The following PPP1R13B variants were observed in gnomAD, a reference collection of about 807,000 sequenced individuals.
PPP1R13B encodes the protein apoptosis-stimulating of p53 protein 1.
In PPP1R13B, 44 loss-of-function variants were observed where a neutral mutation model predicts 119.8. That is an observed-to-expected ratio of 0.37 (90% confidence interval 0.29 to 0.47). PPP1R13B has a LOEUF of 0.47. PPP1R13B is among the 20% of genes least tolerant of loss of function. PPP1R13B has a pLI of 0.99. For synonymous variants in PPP1R13B, 542 were observed against 561.5 expected, an observed-to-expected ratio of 0.97 and a Z score of 0.49; for missense variants, 1,227 against 1,413.5, an observed-to-expected ratio of 0.87 and a Z score of 2.12.
chr14:103,830,088 TTTTATTTTA>T (rs2086634881), intron 1 of PPP1R13B, among the ~76,000 whole-genome samples: 1 of 144,548 alleles, frequency 6.9e-6, no homozygotes, highest in African/African-American at 2.7e-5. Flanking sequence ...GTATTTTTAT[TTTTATTTTA>T]TTTATTTATT....
intron 1 of PPP1R13B, among the ~76,000 whole-genome samples, chr14:103,824,759 G>C (rs2086497870): frequency 6.6e-6 from 1 of 151,706 alleles, no homozygotes; most frequent in Non-Finnish European, 1.5e-5. Flanking sequence ...GATCATGTGG[G>C]TATATAATAA....
At chr14:103,832,597 A>C (rs1018643640) in intron 1 of PPP1R13B, among the ~76,000 whole-genome samples, 17 of 152,122 alleles carry the variant, frequency 1.1e-4, no homozygotes, top group Non-Finnish European at 2.4e-4. Context: ...GTAAGGGACT[A>C]CTCTCTTCAA....
Position 103,746,434 on chromosome 14 carries a change from G to A in PPP1R13B, c.1089C>T (p.Asp363=), listed in dbSNP as rs1262374244. The change falls in exon 9 of 17, where the codon GAC becomes GAT. Residue 363 remains aspartate, a synonymous_variant. Transcript: ENST00000202556. ...TACTGAGAGACTGGGGCTTTATAGG[G>A]TCCCCCAGCACAGGAAAGCTTCCGG... ...PSAGSFPVLG[D]PIKPQSLSIA... The A allele has an allele frequency of 6.2e-7, 1 of 1,614,004 alleles. No individual in the cohort carries two copies. Among genetic ancestry groups the A allele is most frequent in the South Asian group, 1.1e-5 (1 of 91,072 alleles).
At chr14:103,844,291 T>C (rs1457093532) in intron 1 of PPP1R13B, among the ~76,000 whole-genome samples, 1 of 148,134 alleles carries the variant, frequency 6.8e-6, no homozygotes, top group African/African-American at 2.5e-5. Flanking sequence ...AAAAAGAAGG[T>C]GGAAAGTCAC....
chr14:103,836,496 C>T (rs759917311), intron 1 of PPP1R13B, among the ~76,000 whole-genome samples: 5 of 151,958 alleles, frequency 3.3e-5, no homozygotes, highest in Non-Finnish European at 7.4e-5. Flanking sequence ...GTTGGCTGGA[C>T]GCTGTGGCTC....
chr14:103,822,390 C>A (rs1346246329), intron 1 of PPP1R13B, among the ~76,000 whole-genome samples: 1 of 152,156 alleles, frequency 6.6e-6, no homozygotes, highest in South Asian at 2.1e-4. Context: ...CCTTCTTGGC[C>A]TCCCAAAGTG....
chr14:103,838,873 T>C (rs1298328318), intron 1 of PPP1R13B, among the ~76,000 whole-genome samples: 2 of 152,172 alleles, frequency 1.3e-5, no homozygotes, highest in Non-Finnish European at 1.5e-5. Context: ...AATGCCAGCA[T>C]CCATATTTAA....
At chr14:103,748,845 C>T (rs1341032677) in intron 8 of PPP1R13B, among the ~76,000 whole-genome samples, 1 of 152,108 alleles carries the variant, frequency 6.6e-6, no homozygotes, top group African/African-American at 2.4e-5. Flanking sequence ...GATGGTGCAA[C>T]CAGAATGAAG....
intron 2 of PPP1R13B, among the ~76,000 whole-genome samples, chr14:103,796,204 G>A (rs2085753906): frequency 6.6e-6 from 1 of 152,062 alleles, no homozygotes; most frequent in Admixed American, 6.6e-5. Context: ...CACTGCTTGA[G>A]CCCAGAAGAT....
At chr14:103,838,638 A>G (rs2086832279) in intron 1 of PPP1R13B, among the ~76,000 whole-genome samples, 1 of 152,226 alleles carries the variant, frequency 6.6e-6, no homozygotes, top group Non-Finnish European at 1.5e-5. Flanking sequence ...CAGGGTGAGC[A>G]CCTCTGATGG....
chr14:103,775,204 CTATT>C (rs767181597), intron 4 of PPP1R13B, among the ~76,000 whole-genome samples: 1 of 152,146 alleles, frequency 6.6e-6, no homozygotes, highest in Admixed American at 6.6e-5. Flanking sequence ...CTCAATGTAT[CTATT>C]TAATCTTCCC....
Position 103,740,464 on chromosome 14 carries a change from T to C in PPP1R13B, c.1952A>G (p.Gln651Arg). The C allele has an allele frequency of 6.2e-7, 1 of 1,609,244 alleles. No homozygotes were observed. The highest frequency in any genetic ancestry group is 8.5e-7 in the Non-Finnish European group (1 of 1,176,740). ...ATCTGCGGGGGCGGCGGGGCCATCC[T>C]GCTCAGGCTCTTTCTCAGTACTTTC... ...PSESTEKEPE[Q>R]DGPAAPADGS... The change falls in exon 12 of 17, where the codon CAG becomes CGG. Residue 651 changes from glutamine to arginine, a missense_variant. Transcript: ENST00000202556. The surrounding 1 kb of genome is among the most constrained non-coding windows in gnomAD (Gnocchi z 4.6).
intron 12 of PPP1R13B, 50 bp downstream of exon 12, chr14:103,739,774 T>C (rs566820450): frequency 3.3e-6 from 5 of 1,531,708 alleles, no homozygotes; most frequent in African/African-American, 1.4e-5. Context: ...GAGGTCCTGG[T>C]TGCATGAATG....
chr14:103,738,689 T>C lies in PPP1R13B; in HGVS notation c.2854A>G (p.Ser952Gly), dbSNP rs2084173207. The C allele has an allele frequency of 8.7e-6, 14 of 1,614,210 alleles. No homozygotes were observed. Among genetic ancestry groups the C allele is most frequent in the Non-Finnish European group, 1.2e-5 (14 of 1,180,034 alleles). The change falls in exon 14 of 17, where the codon AGT (serine) becomes GGT (glycine). Residue 952 changes from serine to glycine, a missense_variant. Physicochemically the swap from Ser to Gly is moderately conservative, Grantham distance 56. Transcript: ENST00000202556. This position sits in a 1 kb window ranked among gnomAD's most constrained non-coding sequence, Gnocchi z 5.6. ...DFGVNVNAAD[S>G]DGWTPLHCAA... ...TCCTACGGGCCTCACCATCCATCACTATCAGCAGCATTCACGTTGACACCA... is the reference window on the plus strand; with the variant it reads ...TCCTACGGGCCTCACCATCCATCACCATCAGCAGCATTCACGTTGACACCA...
At chr14:103,823,027 T>C (rs942901817) in intron 1 of PPP1R13B, among the ~76,000 whole-genome samples, 13 of 151,746 alleles carry the variant, frequency 8.6e-5, no homozygotes, top group Non-Finnish European at 1.6e-4. Context: ...CCCATAAGGA[T>C]CCCTAAGTCT....
intron 1 of PPP1R13B, among the ~76,000 whole-genome samples, chr14:103,820,035 CCTTG>C (rs2086369799): frequency 6.6e-6 from 1 of 152,196 alleles, no homozygotes; most frequent in Non-Finnish European, 1.5e-5. Flanking sequence ...GCTTCCAAGG[CCTTG>C]AGTAGTCCTC....
At chr14:103,762,114 A>G (rs2084821143) in intron 4 of PPP1R13B, among the ~76,000 whole-genome samples, 1 of 152,184 alleles carries the variant, frequency 6.6e-6, no homozygotes, top group Non-Finnish European at 1.5e-5. Context: ...TATTTTTATT[A>G]TAAGTTCAGT....
intron 15 of PPP1R13B, chr14:103,737,373 T>A: frequency 4.7e-6 from 1 of 214,270 alleles, no homozygotes; most frequent in Non-Finnish European, 9.1e-6. Context: ...GAGACCACCC[T>A]GGGCAACATG....
chr14:103,814,924 G>A (rs1245144134), intron 1 of PPP1R13B, among the ~76,000 whole-genome samples: 2 of 151,188 alleles, frequency 1.3e-5, no homozygotes, highest in Non-Finnish European at 2.9e-5. Context: ...CAGCCTGGGC[G>A]ACAGAGCAAG....
Sources: gnomAD v4.1 joint callset for allele counts (sites outside exome capture counted in the v4.1 genomes callset) on GRCh38, gnomAD v4.1.1 for gene constraint, Gnocchi (gnomAD v3.1) non-coding constraint, MANE v1.5 for transcripts, NCBI Gene and HGNC (gene_info 2026-07-23, HGNC 2026-07-21) for gene names.